Variants in EEFSEC observed in about 807,000 individuals in gnomAD.
EEFSEC encodes the protein eukaryotic elongation factor, selenocysteine-tRNA specific.
A neutral mutation model predicts 42.1 loss-of-function variants in EEFSEC; 43 were observed. That is an observed-to-expected ratio of 1.02 (90% CI 0.80 to 1.32). The LOEUF (loss-of-function observed/expected upper bound fraction) is 1.32, where lower values mean the gene tolerates loss of function less well. EEFSEC is among the 40% of genes most tolerant of loss of function. The probability of loss-of-function intolerance (pLI) is 0.00; values close to 1 mark genes in which losing one functional copy is unlikely to be tolerated. For missense variants in EEFSEC, 745 were observed against 803.6 expected, an observed-to-expected ratio of 0.93 and a Z score of 0.88; for synonymous variants, 354 against 339.1, an observed-to-expected ratio of 1.04 and a Z score of -0.48.
the EEFSEC span, among the ~76,000 whole-genome samples, chr3:128,415,666 G>A: frequency 2.0e-5 from 3 of 152,330 alleles, no homozygotes; most frequent in East Asian, 3.9e-4. Context: ...ACTCAAGCCC[G>A]CTTCTCCCTC....
intron 1 of EEFSEC, 78 bp downstream of exon 1, chr3:128,153,901 G>A: frequency 7.0e-7 from 1 of 1,421,832 alleles, no homozygotes; most frequent in Non-Finnish European, 9.1e-7. Context: ...ATTCGCTCGA[G>A]CCTTTGCCGG....
chr3:128,186,533 T>A (rs1440438137), intron 1 of EEFSEC, among the ~76,000 whole-genome samples: 1 of 152,236 alleles, frequency 6.6e-6, no homozygotes, highest in Admixed American at 6.5e-5. Context: ...CTATGTTTTC[T>A]TCTCAGTTTT....
the EEFSEC span, among the ~76,000 whole-genome samples, chr3:128,418,584 A>G: frequency 6.7e-6 from 1 of 149,754 alleles, no homozygotes; most frequent in Non-Finnish European, 1.5e-5. Context: ...GGAGCCTGTC[A>G]GTGATGGCCA....
At chr3:128,355,634 C>T (rs1393727907) in intron 5 of EEFSEC, among the ~76,000 whole-genome samples, 1 of 140,406 alleles carries the variant, frequency 7.1e-6, no homozygotes, top group African/African-American at 2.6e-5. Flanking sequence ...AAAAAGCCTA[C>T]AGGCATGAGT....
In EEFSEC at chr3:128,264,288, C is replaced by T. The variant is rs2066328704; in HGVS notation, c.622-329C>T. On this transcript the variant is annotated intron_variant, in intron 3 of 6. Coordinates refer to ENST00000254730, the MANE Select transcript of EEFSEC (RefSeq NM_021937.5). ...GCCAGGGAGCAATGCGACAGGGTGT[C>T]CTTTAGTGGCTACTCTCCTGCAGCA... 2.0e-5 allele frequency among the ~76,000 whole-genome samples: 3 copies of T among 152,162 alleles called. No homozygotes were observed. The South Asian group carries it at 6.2e-4, about 32-fold the overall frequency.
intron 2 of EEFSEC, among the ~76,000 whole-genome samples, chr3:128,256,749 T>A (rs892242056): frequency 4.6e-5 from 7 of 152,238 alleles, no homozygotes; most frequent in Admixed American, 1.3e-4. Flanking sequence ...TTCTGTATGT[T>A]CTTCTTGGTC....
intron 1 of EEFSEC, among the ~76,000 whole-genome samples, chr3:128,193,050 C>T (rs986213865): frequency 6.6e-6 from 1 of 152,164 alleles, no homozygotes; most frequent in Non-Finnish European, 1.5e-5. Context: ...CATCATGTCC[C>T]TTCAGGGTTA....
At chr3:128,166,569 G>C (rs1297232383) in intron 1 of EEFSEC, among the ~76,000 whole-genome samples, 1 of 152,132 alleles carries the variant, frequency 6.6e-6, no homozygotes, top group African/African-American at 2.4e-5. Context: ...AGTTGGGTTT[G>C]AGCTGTCCCC....
At chr3:128,257,100 T>C (rs766381633) in intron 2 of EEFSEC, among the ~76,000 whole-genome samples, 31 of 152,186 alleles carry the variant, frequency 2.0e-4, no homozygotes, top group Non-Finnish European at 3.2e-4. Flanking sequence ...TAAGGAAAAG[T>C]TGTAGCGTGT....
intron 5 of EEFSEC, among the ~76,000 whole-genome samples, chr3:128,343,226 C>T (rs2067275059): frequency 1.3e-5 from 2 of 152,186 alleles, no homozygotes; most frequent in Admixed American, 1.3e-4. Flanking sequence ...TCCAGGTCTC[C>T]GTCCACAGGT....
At chr3:128,196,910 A>T (rs2065590565) in intron 1 of EEFSEC, among the ~76,000 whole-genome samples, 1 of 152,222 alleles carries the variant, frequency 6.6e-6, no homozygotes, top group South Asian at 2.1e-4. Context: ...CAGCAGTGGC[A>T]GCTTTGTCTT....
Position 128,262,146 on chromosome 3 carries a change from T to C in EEFSEC, c.543T>C (p.Ile181=), listed in dbSNP as rs2066303754. The C allele has an allele frequency of 2.5e-6, 4 of 1,614,150 alleles. No homozygotes were observed. The highest frequency in any genetic ancestry group is 3.4e-6 in the Non-Finnish European group (4 of 1,180,014). The change falls in exon 3 of 7, where the codon ATT becomes ATC. Residue 181 remains isoleucine, a synonymous_variant. Transcript: ENST00000254730. ...LENTKFRGAP[I]IPVAAKPGGP... is the part of the protein sequence containing the mutation. ...ATTTCAGGTTCCGAGGTGCACCGAT[T>C]ATACCCGTGGCGGCCAAGCCGGGGG...
At chr3:128,423,727 G>A in the EEFSEC span, among the ~76,000 whole-genome samples, 1 of 152,178 alleles carries the variant, frequency 6.6e-6, no homozygotes, top group Admixed American at 6.5e-5. Context: ...CAGGGGACAG[G>A]GTGTTCTAAA....
At chr3:128,306,523 T>A (rs924341304) in intron 4 of EEFSEC, among the ~76,000 whole-genome samples, 2 of 152,236 alleles carry the variant, frequency 1.3e-5, no homozygotes, top group Non-Finnish European at 2.9e-5. Context: ...ACGTAATCTA[T>A]CTTTTTTTTA....
At chr3:128,204,584 G>T (rs1401630499) in intron 1 of EEFSEC, among the ~76,000 whole-genome samples, 2 of 152,072 alleles carry the variant, frequency 1.3e-5, no homozygotes, top group African/African-American at 4.8e-5. Flanking sequence ...CCCTAGGGTT[G>T]CTCTTAAGAA....
intron 4 of EEFSEC, among the ~76,000 whole-genome samples, chr3:128,288,468 G>C (rs926471149): frequency 6.6e-6 from 1 of 152,194 alleles, no homozygotes; most frequent in Admixed American, 6.5e-5. Context: ...TCTGTTGAGT[G>C]GGGTTTTCCT....
intron 1 of EEFSEC, among the ~76,000 whole-genome samples, chr3:128,238,571 A>T (rs2066036808): frequency 6.6e-6 from 1 of 152,174 alleles, no homozygotes; most frequent in Non-Finnish European, 1.5e-5. Flanking sequence ...GCAGTGGCAT[A>T]GTCTCGGCTC....
intron 6 of EEFSEC, among the ~76,000 whole-genome samples, chr3:128,358,747 A>C (rs2067489951): frequency 6.6e-6 from 1 of 152,164 alleles, no homozygotes; most frequent in Non-Finnish European, 1.5e-5. Context: ...GGCCTGGCAT[A>C]CTGTCCTGGC....
the EEFSEC span, among the ~76,000 whole-genome samples, chr3:128,415,516 G>A: frequency 2.0e-5 from 3 of 152,292 alleles, no homozygotes; most frequent in Admixed American, 6.5e-5. Context: ...AGTCAGCAGC[G>A]CCTCACTGCC....
Sources: gnomAD v4.1 joint callset for allele counts (sites outside exome capture counted in the v4.1 genomes callset) on GRCh38, gnomAD v4.1.1 for gene constraint, MANE v1.5 for transcripts, NCBI Gene and HGNC (gene_info 2026-07-23, HGNC 2026-07-21) for gene names.